CDKAL1: variants seen among roughly 807,000 people sequenced by gnomAD.
The protein encoded by CDKAL1 is threonylcarbamoyladenosine tRNA methylthiotransferase.
A neutral mutation model predicts 68.2 loss-of-function variants in CDKAL1; 32 were observed. That is an observed-to-expected ratio of 0.47 (90% CI 0.35 to 0.63). The LOEUF is 0.63. Ranked by LOEUF, CDKAL1 falls within the 30% of genes least tolerant of loss-of-function variation. The probability of loss-of-function intolerance (pLI) is 0.00; values close to 1 mark genes in which losing one functional copy is unlikely to be tolerated. For missense variants in CDKAL1, 606 were observed against 696.7 expected (o/e 0.87, Z 1.47); for synonymous variants, 234 against 244.3 (o/e 0.96, Z 0.39).
At chr6:21,220,488 G>A (rs1045049414) in intron 15 of CDKAL1, among the ~76,000 whole-genome samples, 6 of 152,166 alleles carry the variant, frequency 3.9e-5, no homozygotes, top group Admixed American at 3.9e-4. Flanking sequence ...CTTCTTGGCA[G>A]GGCTTACTTT....
chr6:20,931,408 A>G (rs911508837), intron 9 of CDKAL1, among the ~76,000 whole-genome samples: 5 of 152,190 alleles, frequency 3.3e-5, no homozygotes, highest in South Asian at 2.1e-4. Flanking sequence ...AGGAGATATT[A>G]ATGTCCTCAT....
At chr6:21,056,999 G>T (rs62403414) in intron 11 of CDKAL1, among the ~76,000 whole-genome samples, 27,856 of 151,872 alleles carry the variant, frequency 0.18, 2,663 homozygotes, top group Middle Eastern at 0.24. Context: ...TTATTGCATC[G>T]TTGCCAGATT....
intron 9 of CDKAL1, among the ~76,000 whole-genome samples, chr6:20,856,624 G>A (rs1759351847): frequency 6.6e-6 from 1 of 152,194 alleles, no homozygotes; most frequent in African/African-American, 2.4e-5. Context: ...TATTTGCTTT[G>A]ATACCTTTAC....
intron 13 of CDKAL1, among the ~76,000 whole-genome samples, chr6:21,164,126 G>A (rs916592586): frequency 6.6e-6 from 1 of 151,722 alleles, no homozygotes; most frequent in African/African-American, 2.4e-5. Flanking sequence ...CTGCAGAAGA[G>A]ATAAGAAAAA....
intron 12 of CDKAL1, among the ~76,000 whole-genome samples, chr6:21,092,243 A>T: frequency 7.1e-6 from 1 of 140,996 alleles, no homozygotes; most frequent in African/African-American, 2.6e-5. Flanking sequence ...CGGGGTTTAG[A>T]TTAACTGATT....
intron 5 of CDKAL1, among the ~76,000 whole-genome samples, chr6:20,654,105 A>T (rs1327056644): frequency 6.6e-6 from 1 of 151,152 alleles, no homozygotes; most frequent in Non-Finnish European, 1.5e-5. Context: ...CTGATCTCGA[A>T]CTTCTGACCT....
chr6:21,136,274 T>G (rs1317905796), intron 13 of CDKAL1, among the ~76,000 whole-genome samples: 2 of 152,250 alleles, frequency 1.3e-5, no homozygotes, highest in Non-Finnish European at 2.9e-5. Flanking sequence ...ATACAGTTTT[T>G]TAAAACTCTC....
At chr6:20,863,952 A>G (rs946778334) in intron 9 of CDKAL1, among the ~76,000 whole-genome samples, 4 of 152,140 alleles carry the variant, frequency 2.6e-5, no homozygotes, top group Non-Finnish European at 5.9e-5. Context: ...TCTGACCTTC[A>G]TTTTATAGTC....
chr6:20,745,891 A>G (rs1301744728), intron 6 of CDKAL1, among the ~76,000 whole-genome samples: 1 of 152,180 alleles, frequency 6.6e-6, no homozygotes, highest in Non-Finnish European at 1.5e-5. Flanking sequence ...TCTAATGTGT[A>G]TTTGTTTTAG....
intron 4 of CDKAL1, among the ~76,000 whole-genome samples, chr6:20,556,992 C>G (rs1180840775): frequency 6.8e-6 from 1 of 147,552 alleles, no homozygotes; most frequent in Non-Finnish European, 1.5e-5. Flanking sequence ...GAGCTGAGAT[C>G]ATGCCACTGT....
At chr6:21,052,317 C>T (rs985107238) in intron 11 of CDKAL1, among the ~76,000 whole-genome samples, 1 of 151,756 alleles carries the variant, frequency 6.6e-6, no homozygotes, top group Non-Finnish European at 1.5e-5. Flanking sequence ...TCCTTTATTC[C>T]TGGCCTTTTA....
intron 10 of CDKAL1, among the ~76,000 whole-genome samples, chr6:20,994,414 G>T (rs1290409441): frequency 1.3e-5 from 2 of 152,206 alleles, no homozygotes; most frequent in Non-Finnish European, 1.5e-5. Context: ...AGGAGGTGGA[G>T]GCTGCAGTGA....
At chr6:20,541,400 CCTTAAGTAGG>C (rs1763382646) in intron 2 of CDKAL1, among the ~76,000 whole-genome samples, 1 of 152,164 alleles carries the variant, frequency 6.6e-6, no homozygotes, top group Admixed American at 6.5e-5. Flanking sequence ...AGGCTTCATT[CCTTAAGTAGG>C]CTTCCTCCCT....
At chr6:21,158,163 T>A (rs1776736143) in intron 13 of CDKAL1, among the ~76,000 whole-genome samples, 1 of 152,214 alleles carries the variant, frequency 6.6e-6, no homozygotes, top group Non-Finnish European at 1.5e-5. Context: ...TTGCTGTGCA[T>A]ATCTGAGGAT....
At chr6:21,108,606 T>C in intron 13 of CDKAL1, 143 bp downstream of exon 13, 1 of 518,980 alleles carries the variant, frequency 1.9e-6, no homozygotes, top group Non-Finnish European at 3.4e-6. Flanking sequence ...TCTTTATCCC[T>C]TTTAAAGAAA....
At chr6:21,119,827 C>G (rs1026054941) in intron 13 of CDKAL1, among the ~76,000 whole-genome samples, 1 of 152,116 alleles carries the variant, frequency 6.6e-6, no homozygotes, top group Admixed American at 6.5e-5. Context: ...GGTGAAAACT[C>G]AGTACTAGGT....
intron 5 of CDKAL1, among the ~76,000 whole-genome samples, chr6:20,668,341 G>T (rs1769649382): frequency 6.7e-6 from 1 of 149,738 alleles, no homozygotes; most frequent in Non-Finnish European, 1.5e-5. Context: ...TATTTTTAGA[G>T]ATGGAGTCTC....
At chr6:20,888,122 C>T (rs890061459) in intron 9 of CDKAL1, among the ~76,000 whole-genome samples, 8 of 151,806 alleles carry the variant, frequency 5.3e-5, no homozygotes, top group Non-Finnish European at 1.0e-4. Flanking sequence ...CTGTCCCTCC[C>T]GCATTCCCGC....
chr6:20,991,138 C>T (rs1300989708), intron 10 of CDKAL1, among the ~76,000 whole-genome samples: 1 of 152,152 alleles, frequency 6.6e-6, no homozygotes, highest in Admixed American at 6.6e-5. Context: ...AACATAATAT[C>T]GTTACAGCAG....
Sources: gnomAD v4.1 joint callset for allele counts (sites outside exome capture counted in the v4.1 genomes callset) on GRCh38, gnomAD v4.1.1 for gene constraint, MANE v1.5 for transcripts, NCBI Gene and HGNC (gene_info 2026-07-23, HGNC 2026-07-21) for gene names.